LENG8: variants seen among roughly 807,000 people sequenced by gnomAD.
LENG8 encodes leukocyte receptor cluster member 8, also known as leukocyte receptor cluster (LRC) member 8.
Under a neutral mutation model 102.1 loss-of-function variants are expected in LENG8, and 28 were observed. That is an observed-to-expected ratio of 0.27 (90% CI 0.20 to 0.38). The LOEUF is 0.38. Among genes scored for constraint, LENG8 ranks in the 10% least tolerant of loss-of-function variants. LENG8 has a pLI of 1.00. For synonymous variants in LENG8, 531 were observed against 456.7 expected (o/e 1.16, Z -2.07); for missense variants, 1,022 against 1,113.9 (o/e 0.92, Z 1.17).
At chr19:54,455,125 C>G (rs368876670) in intron 7 of LENG8, 33 bp downstream of exon 7, 1 of 1,613,042 alleles carries the variant, frequency 6.2e-7, no homozygotes, top group Non-Finnish European at 8.5e-7. Context: ...GTCGCAGCCC[C>G]ACACTCTGCA....
intron 5 of LENG8, among the ~76,000 whole-genome samples, chr19:54,454,132 G>A (rs2084095308): frequency 6.6e-6 from 1 of 152,122 alleles, no homozygotes; most frequent in Admixed American, 6.5e-5. Context: ...GCTGGAGTGG[G>A]TGTGTTGTCG....
In LENG8 at chr19:54,454,975, A is replaced by T; in HGVS notation, c.704A>T (p.Lys235Met). 1 of 1,614,144 alleles carries T rather than the reference A, an allele frequency of 6.2e-7. No homozygotes were observed. The highest frequency in any genetic ancestry group is 8.5e-7 in the Non-Finnish European group (1 of 1,180,014). ...GCCGCCCCTGGGACTGGAGGTCTCA[A>T]GTTCAACATCCAGAAGCGACCCTTT... ...MKPAPGTGGL[K>M]FNIQKRPFAV... Residue 235 changes from lysine (K) to methionine (M), a missense_variant, in exon 7 of 16, where the codon AAG becomes ATG. Around this residue, in one of 7 missense-constraint regions of LENG8, gnomAD observed 343 missense variants for 320.2 expected, o/e 1.07. Coordinates refer to ENST00000326764, the MANE Select transcript of LENG8 (RefSeq NM_052925.4).
At chr19:54,450,066 TGAATCCTTGCTCCG>T (rs899646305) in intron 1 of LENG8, among the ~76,000 whole-genome samples, 1 of 152,232 alleles carries the variant, frequency 6.6e-6, no homozygotes, top group African/African-American at 2.4e-5. Context: ...TTTAGGCTCC[TGAATCCTTGCTCCG>T]GAGACACTCC....
At chr19:54,455,808 A>G (rs2084200691) in intron 8 of LENG8, among the ~76,000 whole-genome samples, 159 bp from the exon 9 acceptor site, 1 of 152,062 alleles carries the variant, frequency 6.6e-6, no homozygotes, top group Non-Finnish European at 1.5e-5. Context: ...GGAGACGGAA[A>G]ACCTGGGTTC....
At chr19:54,451,502 G>C (rs1477815459) in intron 2 of LENG8, 120 bp downstream of exon 2, 1 of 984,618 alleles carries the variant, frequency 1.0e-6, no homozygotes, top group Admixed American at 1.9e-5. Flanking sequence ...AATCCCTGTG[G>C]GTGGGGGTGG....
chr19:54,461,026 T>TGTG lies in LENG8; in HGVS notation c.*100_*102dup. 6.6e-7 allele frequency: 1 copy of TGTG among 1,510,074 alleles called. No homozygotes were observed. Among genetic ancestry groups the TGTG allele is most frequent in the South Asian group, 1.2e-5 (1 of 82,710 alleles). 93.5% of individuals were successfully genotyped at this position (1,510,074 alleles called of 1,614,324 possible). ...CGTGGACTTGGGTTGTAAATTTATT[T>TGTG]GTGGGGAGTGCGCTCCAGGAAGAGC... is the stretch of plus-strand genomic sequence containing the variant. On this transcript the variant is annotated 3_prime_UTR_variant, in exon 16 of 16. Coordinates refer to ENST00000326764, the MANE Select transcript of LENG8 (RefSeq NM_052925.4).
chr19:54,450,401 C>G (rs34094304), intron 1 of LENG8, among the ~76,000 whole-genome samples: 1 of 152,186 alleles, frequency 6.6e-6, no homozygotes, highest in African/African-American at 2.4e-5. Context: ...CCACTTGCTT[C>G]CAGGGTTAAC....
chr19:54,460,187 C>T, intron 15 of LENG8: 2 of 1,289,920 alleles, frequency 1.6e-6, no homozygotes, highest in South Asian at 1.2e-5. Flanking sequence ...TGCCTGGGTT[C>T]CTGTGTGTGT....
chr19:54,460,063 C>A lies in LENG8; in HGVS notation c.2241-703C>A, dbSNP rs971752615. On this transcript the variant is annotated intron_variant, in intron 15 of 15. Transcript: ENST00000326764. ...AGCACCTTCCCCCCAAGGAGGCTGACCCTGCCCTGCCAGCTGAGACTGGGA... is the reference window on the plus strand; with the variant it reads ...AGCACCTTCCCCCCAAGGAGGCTGAACCTGCCCTGCCAGCTGAGACTGGGA... The A allele has an allele frequency of 3.9e-6, 5 of 1,289,036 alleles. No homozygotes were observed. The African/African-American group carries it at 7.6e-5, about 20-fold the overall frequency. The allele number at this position is 1,289,036 out of a possible 1,614,324, so 79.8% of individuals were successfully genotyped here. A position where few individuals can be genotyped will look rare whatever the true frequency, so the allele number is the denominator to read the frequency against.
At chr19:54,451,261 GT>G in intron 1 of LENG8, 28 bp from the exon 2 acceptor site, 1 of 1,420,892 alleles carries the variant, frequency 7.0e-7, no homozygotes, top group Non-Finnish European at 1.0e-6. Flanking sequence ...TCCCCCTTAA[GT>G]CTCCCTAACT....
rs186611630 is a variant in LENG8 at position 54,461,786 on chromosome 19, C to A, written c.*858C>A. On this transcript the variant is annotated 3_prime_UTR_variant, in exon 16 of 16. Coordinates refer to ENST00000326764, the MANE Select transcript of LENG8 (RefSeq NM_052925.4). The stretch of plus-strand genomic sequence containing the variant: ...TATTTAAGTTATTTTTCTTCCTCCT[C>A]TCCCTTTTCTTTTTGGCCCTCCCTC... The A allele has an allele frequency of 3.2e-6, 2 of 625,220 alleles. No homozygotes were observed. Among genetic ancestry groups the A allele is most frequent in the East Asian group, 7.0e-5 (2 of 28,432 alleles). The allele number at this position is 625,220 out of a possible 1,614,324, so 38.7% of individuals were successfully genotyped here.
Position 54,461,526 on chromosome 19 carries a change from C to G in LENG8, c.*598C>G, listed in dbSNP as rs1303672844. ...CAGCACCAGATCCTCCGCCGCCACA[C>G]CGCACTGAGGACACGCCGGCCGGGC... On this transcript the variant is annotated 3_prime_UTR_variant, in exon 16 of 16. Transcript: ENST00000326764. The G allele has an allele frequency of 2.1e-6, 1 of 471,356 alleles. No individual in the cohort carries two copies. The highest frequency in any genetic ancestry group is 1.5e-5 in the South Asian group (1 of 64,552). 29.2% of individuals were successfully genotyped at this position (471,356 alleles called of 1,614,324 possible).
intron 7 of LENG8, 108 bp downstream of exon 7, chr19:54,455,200 A>T: frequency 6.5e-7 from 1 of 1,534,018 alleles, no homozygotes; most frequent in South Asian, 1.1e-5. Context: ...TGCGCCTCTG[A>T]AAAGGGCAGA....
chr19:54,452,788 G>A, intron 4 of LENG8, 36 bp downstream of exon 4: 2 of 1,500,506 alleles, frequency 1.3e-6, no homozygotes, highest in East Asian at 2.3e-5. Flanking sequence ...GCAGGGCGAG[G>A]TGGAGTCTGC....
In LENG8 at chr19:54,454,530, C is replaced by T; in HGVS notation, c.527C>T (p.Ala176Val). ...PPQPSNPPHG[A>V]HTLNSGPQPG... ...CAGCCCTCAAATCCCCCACATGGGG[C>T]TCACACGCTGAACAGTGGCCCTCAG... The change falls in exon 6 of 16, where the codon GCT (alanine) becomes GTT (valine). Residue 176 changes from alanine (A) to valine (V), a missense_variant. This residue lies in a region of LENG8 where 343 missense variants were observed against 320.2 expected (regional missense o/e 1.07). Transcript: ENST00000326764. 1 of 1,613,854 alleles carries T rather than the reference C, an allele frequency of 6.2e-7. No individual in the cohort carries two copies. The highest frequency in any genetic ancestry group is 1.1e-5 in the South Asian group (1 of 91,080).
At chr19:54,455,921 C>T (rs770750227) in intron 8 of LENG8, 46 bp from the exon 9 acceptor site, 1 of 1,573,206 alleles carries the variant, frequency 6.4e-7, no homozygotes, top group South Asian at 1.2e-5. Context: ...GCTGTCCTGC[C>T]AGTGTCTGGC....
chr19:54,450,909 C>G (rs186957841), intron 1 of LENG8, among the ~76,000 whole-genome samples: 1 of 152,196 alleles, frequency 6.6e-6, no homozygotes, highest in Non-Finnish European at 1.5e-5. Context: ...CGTGAGCCAC[C>G]GCGCCTGGCC....
At chr19:54,451,091 A>G (rs2083940989) in intron 1 of LENG8, among the ~76,000 whole-genome samples, 199 bp from the exon 2 acceptor site, 1 of 152,032 alleles carries the variant, frequency 6.6e-6, no homozygotes, top group Admixed American at 6.6e-5. Flanking sequence ...GGAGCTCTAC[A>G]AAGGGGCCAG....
At position 54,456,221 on chromosome 19, in the gene LENG8, C is replaced by T; in HGVS notation, c.1280C>T (p.Ser427Phe). 1 of 1,612,936 alleles carries T rather than the reference C, an allele frequency of 6.2e-7. No homozygotes were observed. The part of the protein sequence containing the change: ...TDSRSRSSSR[S>F]PTRHFRRSDS... Reference sequence around the variant, plus strand: ...TCCCGCTCCCGCTCCTCCTCCAGGTCCCCGACGCGCCACTTCCGCAGAAGG... The same window carrying T: ...TCCCGCTCCCGCTCCTCCTCCAGGTTCCCGACGCGCCACTTCCGCAGAAGG... Residue 427 changes from serine (S) to phenylalanine (F), a missense_variant, in exon 9 of 16, where the codon TCC (serine) becomes TTC (phenylalanine). Around this residue, in one of 7 missense-constraint regions of LENG8, gnomAD observed 326 missense variants for 324.5 expected, o/e 1.00. Transcript: ENST00000326764.
Sources: allele counts gnomAD v4.1 joint callset (sites outside exome capture counted in the v4.1 genomes callset), GRCh38; gene constraint gnomAD v4.1.1; regional missense constraint gnomAD v4.1.1; transcripts MANE v1.5; gene names NCBI Gene and HGNC (gene_info 2026-07-23, HGNC 2026-07-21).